Variants in SCAPER observed in about 807,000 individuals in gnomAD.
SCAPER encodes the protein S-phase cyclin A associated protein in the ER.
SCAPER carries 98 observed loss-of-function variants against 182.2 expected under a neutral mutation model. That is an observed-to-expected ratio of 0.54 (90% CI 0.46 to 0.64). The LOEUF is 0.64. Ranked by LOEUF, SCAPER falls within the 30% of genes least tolerant of loss-of-function variation. The pLI, the probability that SCAPER is intolerant of heterozygous loss-of-function variation, is 0.00. For missense variants in SCAPER, 1,432 were observed against 1,690.0 expected (o/e 0.85, Z 2.68); for synonymous variants, 605 against 564.6 (o/e 1.07, Z -1.01).
chr15:76,780,840 C>T (rs551906528), intron 8 of SCAPER, among the ~76,000 whole-genome samples: 1 of 151,520 alleles, frequency 6.6e-6, no homozygotes, highest in South Asian at 2.1e-4. Flanking sequence ...ATAGCATCAA[C>T]ATCAACAAAA....
intron 29 of SCAPER, among the ~76,000 whole-genome samples, chr15:76,363,324 A>G (rs2141756581): frequency 6.6e-6 from 1 of 152,338 alleles, no homozygotes; most frequent in East Asian, 1.9e-4. Flanking sequence ...TGTACCTACC[A>G]CACCAGAGCT....
intron 22 of SCAPER, among the ~76,000 whole-genome samples, chr15:76,621,270 C>G (rs2052022287): frequency 6.6e-6 from 1 of 152,200 alleles, no homozygotes; most frequent in Admixed American, 6.5e-5. Context: ...ATTACATTTA[C>G]ACCTCAATGG....
At chr15:76,524,294 C>A (rs2043024583) in intron 23 of SCAPER, among the ~76,000 whole-genome samples, 1 of 151,954 alleles carries the variant, frequency 6.6e-6, no homozygotes, top group African/African-American at 2.4e-5. Context: ...TGGTAGAAGG[C>A]CTTGAGAAGA....
intron 2 of SCAPER, among the ~76,000 whole-genome samples, chr15:76,882,066 AAAG>A (rs1272615254): frequency 2.0e-5 from 3 of 152,128 alleles, no homozygotes; most frequent in Non-Finnish European, 4.4e-5. Flanking sequence ...TAAAAATCAA[AAAG>A]AAGCTGAGGA....
intron 21 of SCAPER, among the ~76,000 whole-genome samples, chr15:76,654,695 G>A (rs1428742174): frequency 6.6e-6 from 1 of 152,194 alleles, no homozygotes; most frequent in Non-Finnish European, 1.5e-5. Context: ...AAGGCCACCA[G>A]GCAGCAAATA....
chr15:76,711,994 A>G (rs1465015080), intron 17 of SCAPER, among the ~76,000 whole-genome samples: 1 of 152,096 alleles, frequency 6.6e-6, no homozygotes, highest in African/African-American at 2.4e-5. Context: ...TTGGTGTTTT[A>G]GACATGAAGT....
intron 18 of SCAPER, among the ~76,000 whole-genome samples, chr15:76,704,490 A>T (rs1004538297): frequency 6.6e-6 from 1 of 152,110 alleles, no homozygotes; most frequent in Non-Finnish European, 1.5e-5. Flanking sequence ...ATCTTGCATT[A>T]ATTTTTGTAT....
At chr15:76,667,602 G>C in intron 20 of SCAPER, among the ~76,000 whole-genome samples, 1 of 116,176 alleles carries the variant, frequency 8.6e-6, no homozygotes, top group African/African-American at 3.3e-5. Context: ...TCCAGCCTGG[G>C]CAACAAGAGC....
At chr15:76,521,186 G>T (rs552610648) in intron 23 of SCAPER, among the ~76,000 whole-genome samples, 1 of 152,216 alleles carries the variant, frequency 6.6e-6, no homozygotes, top group South Asian at 2.1e-4. Flanking sequence ...TATTAGATGA[G>T]ACAAAGATAT....
At chr15:76,808,562 A>T (rs2066352960) in intron 5 of SCAPER, among the ~76,000 whole-genome samples, 1 of 152,216 alleles carries the variant, frequency 6.6e-6, no homozygotes, top group African/African-American at 2.4e-5. Context: ...TGAGCTAAAA[A>T]GCACAAACTC....
intron 15 of SCAPER, among the ~76,000 whole-genome samples, chr15:76,743,809 CA>C (rs1182981212): frequency 6.6e-6 from 1 of 151,978 alleles, no homozygotes; most frequent in Non-Finnish European, 1.5e-5. Flanking sequence ...CGTATGGAAC[CA>C]AAAAAGTGCC....
intron 21 of SCAPER, among the ~76,000 whole-genome samples, chr15:76,665,020 G>C (rs1261871825): frequency 6.6e-6 from 1 of 152,116 alleles, no homozygotes; most frequent in African/African-American, 2.4e-5. Context: ...AGTTGCCCTT[G>C]AATAGCAAAG....
intron 2 of SCAPER, among the ~76,000 whole-genome samples, chr15:76,870,747 A>G (rs1247946885): frequency 6.6e-5 from 10 of 152,156 alleles, no homozygotes; most frequent in Non-Finnish European, 1.5e-5. Context: ...AAGGTCAAAC[A>G]TAGAAGCAAA....
At chr15:76,689,387 A>T (rs909055649) in intron 20 of SCAPER, among the ~76,000 whole-genome samples, 4 of 152,134 alleles carry the variant, frequency 2.6e-5, no homozygotes, top group Non-Finnish European at 5.9e-5. Flanking sequence ...AAAATACTGA[A>T]ATCAGAAAAC....
intron 1 of SCAPER, among the ~76,000 whole-genome samples, chr15:76,897,298 G>C (rs2074492277): frequency 6.6e-6 from 1 of 151,874 alleles, no homozygotes; most frequent in South Asian, 2.1e-4. Flanking sequence ...ATGATTTAAA[G>C]TATTTCCAAA....
intron 13 of SCAPER, 67 bp from the exon 14 acceptor site, chr15:76,765,139 T>C: frequency 8.2e-7 from 1 of 1,221,882 alleles, no homozygotes; most frequent in Non-Finnish European, 1.1e-6. Context: ...AAAAGTGTTC[T>C]TTAGACTTCA....
intron 21 of SCAPER, among the ~76,000 whole-genome samples, chr15:76,628,083 GTCT>G (rs1256312856): frequency 2.6e-5 from 4 of 152,202 alleles, no homozygotes; most frequent in African/African-American, 7.2e-5. Context: ...CCGCATGAAT[GTCT>G]TCTTTTGAGA....
intron 15 of SCAPER, among the ~76,000 whole-genome samples, chr15:76,751,599 A>T (rs1477032644): frequency 6.6e-6 from 1 of 151,820 alleles, no homozygotes; most frequent in Admixed American, 6.6e-5. Flanking sequence ...ATAATTTTTG[A>T]CAAGGGTGCC....
intron 21 of SCAPER, among the ~76,000 whole-genome samples, chr15:76,659,937 G>A (rs527886862): frequency 2.0e-5 from 3 of 152,166 alleles, no homozygotes; most frequent in Non-Finnish European, 4.4e-5. Flanking sequence ...AAAGACACAT[G>A]TATGTCTGTG....
Sources: allele counts gnomAD v4.1 joint callset (sites outside exome capture counted in the v4.1 genomes callset), GRCh38; gene constraint gnomAD v4.1.1; transcripts MANE v1.5; gene names NCBI Gene and HGNC (gene_info 2026-07-23, HGNC 2026-07-21).